The following CELF1 variants were observed in gnomAD, a reference collection of about 807,000 sequenced individuals.
CELF1 encodes the protein CUGBP Elav-like family member 1.
In CELF1, 10 loss-of-function variants were observed where a neutral mutation model predicts 61.8. The ratio of observed to expected loss-of-function variants is 0.16; its 90% CI spans 0.10 to 0.27. The LOEUF (loss-of-function observed/expected upper bound fraction) is 0.27. Among genes scored for constraint, CELF1 ranks in the 10% least tolerant of loss-of-function variants. CELF1 has a pLI of 1.00. For synonymous variants in CELF1, 236 were observed against 225.1 expected, an observed-to-expected ratio of 1.05 and a Z score of -0.43; for missense variants, 380 against 639.1, an observed-to-expected ratio of 0.59 and a Z score of 4.37.
At chr11:47,546,443 T>G (rs1357416098) in intron 1 of CELF1, among the ~76,000 whole-genome samples, 3 of 151,794 alleles carry the variant, frequency 2.0e-5, no homozygotes, top group Admixed American at 6.6e-5. Context: ...ATTGTGTATT[T>G]TTGGCAGAGA....
At chr11:47,529,077 CTTTTT>C (rs1162581463) in intron 1 of CELF1, among the ~76,000 whole-genome samples, 1 of 133,648 alleles carries the variant, frequency 7.5e-6, no homozygotes, top group Non-Finnish European at 1.6e-5. Flanking sequence ...GTTTATTTTA[CTTTTT>C]TTTTTTTTTT....
At chr11:47,543,864 C>T (rs1300067515) in intron 1 of CELF1, among the ~76,000 whole-genome samples, 1 of 152,232 alleles carries the variant, frequency 6.6e-6, no homozygotes, top group Non-Finnish European at 1.5e-5. Context: ...TGCATTACAA[C>T]TCTAAATATT....
rs569150706 is a variant in CELF1, at chr11:47,487,295, G to C, written c.260-54C>G. 1.1e-3 allele frequency: 1,557 copies of C among 1,373,624 alleles called. 1 individual carries two copies. Among genetic ancestry groups the C allele is most frequent in the Non-Finnish European group, 1.4e-3 (1,398 of 974,348 alleles). 85.1% of individuals were successfully genotyped at this position (1,373,624 alleles called of 1,614,324 possible). A position where few individuals can be genotyped will look rare whatever the true frequency, so the allele number is the denominator to read the frequency against. ...AACTTTGGAAAGCAGAGAATTCCTAGAGCAATCCTTCCTCCACTGACAGAT... is the reference window on the plus strand; with the variant it reads ...AACTTTGGAAAGCAGAGAATTCCTACAGCAATCCTTCCTCCACTGACAGAT... On this transcript the variant is annotated intron_variant, in intron 4 of 14. Transcript: ENST00000687097.
chr11:47,481,740 C>T (rs113150323), intron 9 of CELF1, among the ~76,000 whole-genome samples: 2,424 of 152,256 alleles, frequency 0.016, 50 homozygotes, highest in African/African-American at 0.048. Context: ...AACATATACA[C>T]TGCAGACCTA....
intron 1 of CELF1, among the ~76,000 whole-genome samples, chr11:47,543,361 G>A (rs1374044009): frequency 1.3e-5 from 2 of 151,888 alleles, no homozygotes; most frequent in African/African-American, 2.4e-5. Flanking sequence ...CCACGATAAC[G>A]CCACTGCACT....
intron 1 of CELF1, among the ~76,000 whole-genome samples, chr11:47,508,970 T>G (rs1449059307): frequency 6.6e-6 from 1 of 152,188 alleles, no homozygotes; most frequent in South Asian, 2.1e-4. Context: ...GGTTTCACCA[T>G]GTTGGTCAGG....
chr11:47,476,941 G>C lies in CELF1; in HGVS notation c.992C>G (p.Ser331Cys). 3 of 1,614,064 alleles carry C rather than the reference G, an allele frequency of 1.9e-6. No homozygotes were observed. Among genetic ancestry groups the C allele is most frequent in the Non-Finnish European group, 2.5e-6 (3 of 1,179,898 alleles). The change falls in exon 12 of 15, where the codon TCT becomes TGT. Residue 331 changes from serine to cysteine, a missense_variant. Physicochemically the swap from Ser to Cys is moderately radical, Grantham distance 112. Transcript: ENST00000687097. ...LTSSAGSSPS[S>C]SSSNSVNPIA... Reference sequence around the variant, plus strand: ...GGGGTTGACAGAATTACTGCTGCTAGAGCTAGGTGAGGACCCTGCTATTAG... The same window carrying C: ...GGGGTTGACAGAATTACTGCTGCTACAGCTAGGTGAGGACCCTGCTATTAG...
chr11:47,483,351 T>C, intron 8 of CELF1, 102 bp downstream of exon 8: 1 of 874,286 alleles, frequency 1.1e-6, no homozygotes, highest in Non-Finnish European at 1.9e-6. Context: ...CTGTTTAACC[T>C]TCTGGGCAAT....
intron 3 of CELF1, among the ~76,000 whole-genome samples, chr11:47,492,400 C>T (rs927890616): frequency 2.6e-5 from 4 of 152,042 alleles, no homozygotes; most frequent in Admixed American, 6.6e-5. Context: ...ATGCTTAATC[C>T]TAATGTTCCA....
intron 1 of CELF1, among the ~76,000 whole-genome samples, chr11:47,544,827 T>TG (rs2096893096): frequency 1.3e-5 from 2 of 151,076 alleles, no homozygotes; most frequent in South Asian, 2.1e-4. Context: ...CCAGGTATGG[T>TG]GGCACATGCC....
upstream of CELF1, among the ~76,000 whole-genome samples, chr11:47,554,593 C>T (rs1017680241): frequency 1.3e-5 from 2 of 151,692 alleles, no homozygotes; most frequent in African/African-American, 2.4e-5. Flanking sequence ...GGCATGTGCA[C>T]ACACACACAC....
At chr11:47,476,492 C>T (rs553072256) in intron 12 of CELF1, among the ~76,000 whole-genome samples, 52 of 152,210 alleles carry the variant, frequency 3.4e-4, no homozygotes, top group Non-Finnish European at 6.5e-4. Context: ...GTGGCGCAAT[C>T]TTGGCTCACT....
chr11:47,536,240 C>G (rs80153026), intron 1 of CELF1, among the ~76,000 whole-genome samples: 2,424 of 152,050 alleles, frequency 0.016, 50 homozygotes, highest in African/African-American at 0.048. Context: ...ATGGTGCCAA[C>G]GGCCTGTAGT....
intron 1 of CELF1, among the ~76,000 whole-genome samples, chr11:47,549,154 T>A (rs897176925): frequency 6.6e-6 from 1 of 152,170 alleles, no homozygotes; most frequent in African/African-American, 2.4e-5. Flanking sequence ...TGTGTACTAC[T>A]GGCAAGACTG....
At chr11:47,477,057 G>A (rs1473061054) in intron 11 of CELF1, 98 bp from the exon 12 acceptor site, 42 of 1,093,004 alleles carry the variant, frequency 3.8e-5, no homozygotes, top group African/African-American at 1.4e-4. Context: ...TTGTAAAGAG[G>A]TTTTCAGTTA....
At chr11:47,513,777 C>CA in intron 1 of CELF1, 2 of 149,278 alleles carry the variant, frequency 1.3e-5, no homozygotes, top group African/African-American at 4.9e-5. Flanking sequence ...TTTTTTTAAA[C>CA]AAAATATTTC....
intron 1 of CELF1, among the ~76,000 whole-genome samples, chr11:47,545,673 C>G (rs1432553101): frequency 1.3e-5 from 2 of 151,806 alleles, no homozygotes; most frequent in Admixed American, 1.3e-4. Flanking sequence ...AAAAGTTTTA[C>G]AAAATTTGTA....
chr11:47,499,254 T>A (rs1297532242), intron 3 of CELF1, among the ~76,000 whole-genome samples, 199 bp downstream of exon 3: 2 of 152,108 alleles, frequency 1.3e-5, no homozygotes, highest in East Asian at 3.9e-4. Context: ...TTTATGTAAA[T>A]AACTTAAAGC....
At chr11:47,508,573 A>T (rs1174397509) in intron 1 of CELF1, among the ~76,000 whole-genome samples, 6 of 38,948 alleles carry the variant, frequency 1.5e-4, no homozygotes, top group African/African-American at 3.3e-4. Flanking sequence ...TTTCTTTAAA[A>T]AAAAAAAAAA....
Sources: allele counts gnomAD v4.1 joint callset (sites outside exome capture counted in the v4.1 genomes callset), GRCh38; gene constraint gnomAD v4.1.1; transcripts MANE v1.5; gene names NCBI Gene and HGNC (gene_info 2026-07-23, HGNC 2026-07-21).